Variants in CAPRIN2 observed in about 807,000 individuals in gnomAD.
CAPRIN2 encodes caprin-2.
CAPRIN2 carries 66 observed loss-of-function variants against 130.4 expected under a neutral mutation model. The ratio of observed to expected loss-of-function variants is 0.51; its 90% CI spans 0.42 to 0.62. CAPRIN2 has a LOEUF of 0.62. CAPRIN2 is among the 20% of genes least tolerant of loss of function. The pLI, the probability that CAPRIN2 is intolerant of heterozygous loss-of-function variation, is 0.00. For missense variants in CAPRIN2, 1,185 were observed against 1,246.6 expected (o/e 0.95, Z 0.74); for synonymous variants, 471 against 444.1 (o/e 1.06, Z -0.76).
chr12:30,736,809 C>T (rs965816912), intron 3 of CAPRIN2, among the ~76,000 whole-genome samples: 7 of 152,086 alleles, frequency 4.6e-5, no homozygotes, highest in South Asian at 2.1e-4. Flanking sequence ...GAAAAGAGGA[C>T]GGAGGTGGCA....
rs1238814774 is a variant in CAPRIN2, at chr12:30,729,302, T to C, written c.1128A>G (p.Thr376=). 3 of 1,571,390 alleles carry C rather than the reference T, an allele frequency of 1.9e-6. No homozygotes were observed. The East Asian group carries it at 6.7e-5, about 35-fold the overall frequency. The change falls in exon 8 of 17, where the codon ACA becomes ACG. Residue 376 remains threonine (T), a synonymous_variant. Transcript: ENST00000298892. ...CTTGTTTGTTTGAATAATCTACTTCTGTCATATAGCGTCTGTTAAGAAACT... is the reference window on the plus strand; with the variant it reads ...CTTGTTTGTTTGAATAATCTACTTCCGTCATATAGCGTCTGTTAAGAAACT...
rs146406085 is a variant in CAPRIN2, at chr12:30,715,786, T to C, written c.2318-645A>G. 1,465 of 192,882 alleles carry C rather than the reference T, an allele frequency of 7.6e-3. 20 individuals are homozygous for C. The highest frequency in any genetic ancestry group is 0.033 in the African/African-American group (1,382 of 41,726). The allele number at this position is 192,882 out of a possible 1,614,324, so 11.9% of individuals were successfully genotyped here. On this transcript the variant is annotated intron_variant, in intron 13 of 16. Transcript: ENST00000298892. ...GAAGGCACCTGACAAAAATATCCCT[T>C]ACGTAAGTCACCTGCCCTGTCTTTC...
chr12:30,741,047 T>C, exon 3 of CAPRIN2: 2 of 1,611,630 alleles, frequency 1.2e-6, no homozygotes, highest in African/African-American at 1.3e-5. Flanking sequence ...AAAAGGTTTT[T>C]TGAAGCTCCT....
At chr12:30,733,525 T>G (rs2063439871) in intron 5 of CAPRIN2, 104 bp downstream of exon 6, 3 of 758,302 alleles carry the variant, frequency 4.0e-6, no homozygotes, top group Admixed American at 3.9e-5. Context: ...GTCAGACATG[T>G]AAGTTCTGAT....
intron 3 of CAPRIN2, among the ~76,000 whole-genome samples, chr12:30,738,938 C>T (rs1235871020): frequency 6.6e-6 from 1 of 152,168 alleles, no homozygotes; most frequent in African/African-American, 2.4e-5. Flanking sequence ...AAAGGGAATG[C>T]TTACACACTG....
chr12:30,733,852 A>T (rs2063549352), intron 4 of CAPRIN2, 141 bp from the exon 6 acceptor site: 3 of 637,694 alleles, frequency 4.7e-6, no homozygotes, highest in African/African-American at 3.6e-5. Flanking sequence ...GAAATAAAAA[A>T]ATTGAAATGT....
exon 17 of CAPRIN2, chr12:30,709,779 A>G: frequency 9.0e-7 from 1 of 1,109,348 alleles, no homozygotes; most frequent in Non-Finnish European, 1.3e-6. Context: ...AAAAGTAAGG[A>G]CCTCCTCCCT....
chr12:30,749,465 A>G (rs2072546186), intron 2 of CAPRIN2, among the ~76,000 whole-genome samples: 1 of 152,220 alleles, frequency 6.6e-6, no homozygotes, highest in African/African-American at 2.4e-5. Flanking sequence ...AGTAATTACT[A>G]CTATAATAAG....
chr12:30,731,421 C>A, exon 6 of CAPRIN2: 7 of 1,612,952 alleles, frequency 4.3e-6, no homozygotes, highest in Non-Finnish European at 5.9e-6. Flanking sequence ...TCCAGTGGTA[C>A]TTCCTTTTCC....
intron 8 of CAPRIN2, among the ~76,000 whole-genome samples, chr12:30,726,824 A>C (rs2137559029): frequency 6.6e-6 from 1 of 152,302 alleles, no homozygotes; most frequent in East Asian, 1.9e-4. Flanking sequence ...GGAAGGTATG[A>C]ACATCAGTGA....
chr12:30,751,597 C>T (rs910187168), intron 1 of CAPRIN2: 1 of 183,444 alleles, frequency 5.5e-6, no homozygotes, highest in Non-Finnish European at 1.2e-5. Flanking sequence ...TGCCAAACAT[C>T]TTAAAATGCA....
chr12:30,747,244 A>G (rs2070994028), intron 2 of CAPRIN2, among the ~76,000 whole-genome samples: 1 of 152,238 alleles, frequency 6.6e-6, no homozygotes, highest in African/African-American at 2.4e-5. Flanking sequence ...TCAAAATATT[A>G]ATGCTAATTG....
exon 4 of CAPRIN2, chr12:30,735,195 C>T (rs145888176): frequency 9.1e-5 from 147 of 1,613,674 alleles, no homozygotes; most frequent in East Asian, 1.3e-4. Context: ...CCTTCTTTTG[C>T]GCTTTTAGTA....
chr12:30,751,353 G>C, intron 1 of CAPRIN2: 1 of 533,342 alleles, frequency 1.9e-6, no homozygotes, highest in Middle Eastern at 5.1e-4. Flanking sequence ...CAAAACCTAA[G>C]CAGTAATAAA....
intron 8 of CAPRIN2, 66 bp from the exon 10 acceptor site, chr12:30,726,154 T>C (rs10843822): frequency 0.32 from 406,085 of 1,272,276 alleles, 65,652 homozygotes; most frequent in Middle Eastern, 0.36. Flanking sequence ...TAGGAAACAG[T>C]TTATCACTAC....
intron 6 of CAPRIN2, 143 bp from the exon 8 acceptor site, chr12:30,730,425 G>C (rs1049512516): frequency 2.4e-5 from 15 of 633,554 alleles, no homozygotes; most frequent in Admixed American, 5.4e-5. Context: ...TTGATGGCAA[G>C]AGGAATTATA....
intron 1 of CAPRIN2, among the ~76,000 whole-genome samples, chr12:30,752,153 C>T (rs147372790): frequency 2.6e-4 from 40 of 152,026 alleles, no homozygotes; most frequent in African/African-American, 9.2e-4. Context: ...AACTCCTGAC[C>T]TCAGGTGATC....
chr12:30,729,286 T>G (rs771108380), exon 8 of CAPRIN2: 4 of 1,593,136 alleles, frequency 2.5e-6, no homozygotes, highest in Non-Finnish European at 3.4e-6. Context: ...CCTTGTTTGT[T>G]TGAATAATCT....
intron 11 of CAPRIN2, 48 bp downstream of exon 12, chr12:30,723,211 G>C: frequency 7.8e-7 from 1 of 1,277,734 alleles, no homozygotes; most frequent in South Asian, 1.2e-5. Context: ...CAAAGCAAGA[G>C]CTTCTTCCTT....
Sources: allele counts gnomAD v4.1 joint callset (sites outside exome capture counted in the v4.1 genomes callset), GRCh38; gene constraint gnomAD v4.1.1; transcripts MANE v1.5; gene names NCBI Gene and HGNC (gene_info 2026-07-23, HGNC 2026-07-21).